CTNNAL1: variants seen among roughly 807,000 people sequenced by gnomAD.
The protein encoded by CTNNAL1 is catenin alpha like 1.
A neutral mutation model predicts 93.6 loss-of-function variants in CTNNAL1; 69 were observed. The observed-to-expected ratio is 0.74, with a 90% CI of 0.61 to 0.90. CTNNAL1 has a LOEUF of 0.90. Among genes scored for constraint, CTNNAL1 ranks in the 40% least tolerant of loss-of-function variants. CTNNAL1 has a pLI of 0.00. For missense variants in CTNNAL1, 836 were observed against 862.0 expected (o/e 0.97, Z 0.38); for synonymous variants, 286 against 305.4 (o/e 0.94, Z 0.66).
At chr9:109,010,184 C>A (rs1827166341) in intron 1 of CTNNAL1, among the ~76,000 whole-genome samples, 1 of 152,120 alleles carries the variant, frequency 6.6e-6, no homozygotes. Flanking sequence ...GGATTACAGG[C>A]ACCAGCCAGT....
At chr9:109,001,184 A>AG in intron 1 of CTNNAL1, among the ~76,000 whole-genome samples, 1 of 151,250 alleles carries the variant, frequency 6.6e-6, no homozygotes, top group East Asian at 1.9e-4. Flanking sequence ...AAAAAAAAAA[A>AG]AAAAAAAAAG....
chr9:108,964,842 T>TTTTATTTATTTATTTA (rs368745715), intron 11 of CTNNAL1, among the ~76,000 whole-genome samples: 304 of 136,204 alleles, frequency 2.2e-3, no homozygotes, highest in East Asian at 7.5e-3. Flanking sequence ...ATGCTGTTTG[T>TTTTATTTATTTATTTA]TTTATTTATT....
intron 11 of CTNNAL1, among the ~76,000 whole-genome samples, chr9:108,959,150 G>A (rs1830760432): frequency 1.3e-5 from 2 of 150,844 alleles, no homozygotes; most frequent in Non-Finnish European, 3.0e-5. Context: ...ATGAGGTCAG[G>A]AGATCGAGAC....
At chr9:108,990,877 G>A (rs778849808) in intron 3 of CTNNAL1, 32 bp from the exon 4 acceptor site, 3 of 1,600,832 alleles carry the variant, frequency 1.9e-6, no homozygotes, top group South Asian at 2.3e-5. Context: ...ATTATTTGGT[G>A]AGAGCTACTC....
intron 3 of CTNNAL1, among the ~76,000 whole-genome samples, chr9:108,992,398 T>G (rs1042376823): frequency 6.6e-6 from 1 of 152,048 alleles, no homozygotes; most frequent in Non-Finnish European, 1.5e-5. Flanking sequence ...TTCTTTTTTT[T>G]TTTTTTTAAG....
intron 1 of CTNNAL1, among the ~76,000 whole-genome samples, chr9:109,006,649 A>G (rs1827035501): frequency 6.6e-6 from 1 of 152,240 alleles, no homozygotes; most frequent in South Asian, 2.1e-4. Flanking sequence ...TAAATGAACC[A>G]GAGAAGAGGG....
Position 108,965,378 on chromosome 9 carries a change from C to A in CTNNAL1, c.1591G>T (p.Gly531Ter). ...EINDVFEGRR[G>*]EKYGYLSLPK... ...TTTCATTATGTGGACAGTTTCTCAC[C>A]TCGTCTTCCTTCAAACACGTCATTG... The change falls in exon 11 of 19, where the codon GGA becomes TGA. Residue 531 changes from glycine (G) to a stop codon, truncating the protein, a stop_gained and splice_region_variant. Transcript: ENST00000325551. LOFTEE classifies it high-confidence loss of function. 3 of 1,452,648 alleles carry A rather than the reference C, an allele frequency of 2.1e-6. No homozygotes were observed. The highest frequency in any genetic ancestry group is 2.4e-5 in the Admixed American group (1 of 41,274). 90.0% of individuals were successfully genotyped at this position (1,452,648 alleles called of 1,614,324 possible).
chr9:108,958,257 C>G (rs969114149), intron 11 of CTNNAL1, among the ~76,000 whole-genome samples: 5 of 152,148 alleles, frequency 3.3e-5, no homozygotes, highest in African/African-American at 1.2e-4. Flanking sequence ...TTACTCTCCA[C>G]AAGTTGGGGC....
chr9:109,003,923 G>T (rs958602569), intron 1 of CTNNAL1, among the ~76,000 whole-genome samples: 1 of 152,204 alleles, frequency 6.6e-6, no homozygotes, highest in Non-Finnish European at 1.5e-5. Context: ...CAAATTATTT[G>T]CTATTCCTCC....
At position 108,977,024 on chromosome 9, in the gene CTNNAL1, C is replaced by A. The variant is rs145040656; in HGVS notation, c.1126G>T (p.Ala376Ser). 2.6e-6 allele frequency: 4 copies of A among 1,533,378 alleles called. No individual in the cohort carries two copies. In the African/African-American group the frequency reaches 5.6e-5, roughly 22 times the overall value. The allele number at this position is 1,533,378 out of a possible 1,614,324, so 95.0% of individuals were successfully genotyped here. The change falls in exon 8 of 19, where the codon GCT becomes TCT. Residue 376 changes from alanine to serine, a missense_variant. Coordinates refer to ENST00000325551, the MANE Select transcript of CTNNAL1 (RefSeq NM_003798.4). ...AAAATACTGAGTTCCAGTTCTTCAG[C>A]GATGCTTTTTGTTTTCTTGCTTTGC... ...QAQSKKTKSI[A>S]EELELSILKI... is the part of the protein sequence containing the mutation.
intron 12 of CTNNAL1, among the ~76,000 whole-genome samples, chr9:108,953,149 C>A (rs943488610): frequency 6.6e-6 from 1 of 152,164 alleles, no homozygotes; most frequent in African/African-American, 2.4e-5. Flanking sequence ...TGTAAACTAT[C>A]TGGAACTCAG....
chr9:108,968,509 G>A (rs1831020438), intron 10 of CTNNAL1, among the ~76,000 whole-genome samples: 1 of 152,236 alleles, frequency 6.6e-6, no homozygotes, highest in African/African-American at 2.4e-5. Flanking sequence ...TGGCAGGAGA[G>A]TCAAGCCCTC....
At chr9:108,952,919 A>G (rs1830603211) in intron 12 of CTNNAL1, among the ~76,000 whole-genome samples, 1 of 152,198 alleles carries the variant, frequency 6.6e-6, no homozygotes, top group Non-Finnish European at 1.5e-5. Context: ...TAGCCACTAT[A>G]TGTAGTTTTC....
chr9:108,942,765 C>T lies in CTNNAL1; in HGVS notation c.*4G>A. 6.3e-7 allele frequency: 1 copy of T among 1,592,006 alleles called. No homozygotes were observed. ...TGTTCCAGAGATCTGACCCCAAAAG[C>T]TTCTCAAGTTTTACTATCCATAGTG... is the stretch of plus-strand genomic sequence containing the variant. On this transcript the variant is annotated 3_prime_UTR_variant, in exon 19 of 19. Transcript: ENST00000325551.
chr9:108,994,382 G>A (rs1177672613), intron 2 of CTNNAL1, among the ~76,000 whole-genome samples: 1 of 152,018 alleles, frequency 6.6e-6, no homozygotes, highest in Non-Finnish European at 1.5e-5. Flanking sequence ...AGATGATTTG[G>A]GAAACATTAA....
chr9:108,991,541 T>TA (rs138325532), intron 3 of CTNNAL1, among the ~76,000 whole-genome samples: 50 of 151,668 alleles, frequency 3.3e-4, no homozygotes, highest in Non-Finnish European at 5.2e-4. Flanking sequence ...CAAGATAAGT[T>TA]AAAAAAAAAC....
At chr9:108,980,430 A>T (rs532133790) in intron 6 of CTNNAL1, among the ~76,000 whole-genome samples, 65 of 152,350 alleles carry the variant, frequency 4.3e-4, no homozygotes, top group African/African-American at 1.5e-3. Context: ...TGAATGTGAT[A>T]ATAAGGATAC....
chr9:108,950,518 T>C (rs759081739), intron 14 of CTNNAL1: 2 of 1,550,146 alleles, frequency 1.3e-6, no homozygotes, highest in South Asian at 1.2e-5. Flanking sequence ...GAATTATCTA[T>C]CTAGAAAAGG....
intron 1 of CTNNAL1, among the ~76,000 whole-genome samples, chr9:109,008,834 C>T (rs935766270): frequency 7.4e-5 from 11 of 148,304 alleles, no homozygotes; most frequent in African/African-American, 2.7e-4. Context: ...ATCATATTCT[C>T]CCACTTAATG....
Sources: gnomAD v4.1 joint callset for allele counts (sites outside exome capture counted in the v4.1 genomes callset) on GRCh38, gnomAD v4.1.1 for gene constraint, MANE v1.5 for transcripts, NCBI Gene and HGNC (gene_info 2026-07-23, HGNC 2026-07-21) for gene names.